The following KCNIP3 variants were observed in gnomAD, a reference collection of about 807,000 sequenced individuals.
KCNIP3 encodes the protein potassium voltage-gated channel interacting protein 3.
Under a neutral mutation model 35.0 loss-of-function variants are expected in KCNIP3, and 28 were observed. That is an observed-to-expected ratio of 0.80 (90% CI 0.59 to 1.10). The LOEUF is 1.10. Ranked by LOEUF, KCNIP3 falls within the 50% of genes least tolerant of loss-of-function variation. KCNIP3 has a pLI of 0.00. For missense variants in KCNIP3, 295 were observed against 338.4 expected, an observed-to-expected ratio of 0.87 and a Z score of 1.01; for synonymous variants, 134 against 133.8, an observed-to-expected ratio of 1.00 and a Z score of -0.01.
intron 2 of KCNIP3, among the ~76,000 whole-genome samples, chr2:95,354,262 G>A (rs1191664507): frequency 6.6e-6 from 1 of 152,238 alleles, no homozygotes; most frequent in African/African-American, 2.4e-5. Flanking sequence ...AGCAGCAGGG[G>A]CGTGTGTCTC....
At chr2:95,337,516 T>C (rs1679088659) in intron 2 of KCNIP3, among the ~76,000 whole-genome samples, 1 of 152,236 alleles carries the variant, frequency 6.6e-6, no homozygotes, top group Non-Finnish European at 1.5e-5. Context: ...GGATATAAGA[T>C]GAATCCTTTC....
At chr2:95,352,201 C>T (rs186540623) in intron 2 of KCNIP3, among the ~76,000 whole-genome samples, 108 of 152,250 alleles carry the variant, frequency 7.1e-4, no homozygotes, top group African/African-American at 2.5e-3. Flanking sequence ...TTGCAGTTTG[C>T]CAAGATCACG....
At chr2:95,298,607 ATGGGCGG>A (rs1276761735) in intron 1 of KCNIP3, 1 of 152,224 alleles carries the variant, frequency 6.6e-6, no homozygotes, top group Non-Finnish European at 1.5e-5. Flanking sequence ...GCATCCAAGC[ATGGGCGG>A]GTGGCTGGCT....
chr2:95,372,027 G>T (rs184722250), intron 2 of KCNIP3, among the ~76,000 whole-genome samples: 37 of 151,984 alleles, frequency 2.4e-4, no homozygotes, highest in African/African-American at 8.7e-4. Flanking sequence ...CTGGTCTTGA[G>T]CGCCTGACCT....
rs1418011543 is a variant in KCNIP3 at position 95,381,583 on chromosome 2, C to T, written c.448-13C>T. On this transcript the variant is annotated splice_polypyrimidine_tract_variant and intron_variant, in intron 5 of 8. Transcript: ENST00000295225. ...GATTGGATGTCACGCCCCACACTCT[C>T]CTTTCCCCATAGGACTTTGTGGTTG... 2 of 1,602,770 alleles carry T rather than the reference C, an allele frequency of 1.2e-6. No homozygotes were observed. The highest frequency in any genetic ancestry group is 1.7e-6 in the Non-Finnish European group (2 of 1,169,696).
In KCNIP3 at chr2:95,310,305, T is replaced by TC. The variant is rs201122915; in HGVS notation, c.16-44dup. On this transcript the variant is annotated intron_variant, in intron 1 of 8. Coordinates refer to ENST00000295225, the MANE Select transcript of KCNIP3 (RefSeq NM_013434.5). ...AGGGCAGCTCGGGACCATCCAGGGG[T>TC]CCCCCCTCTGAGCAGGGGCTCAGGG... The TC allele has an allele frequency of 7.3e-4, 1,178 of 1,609,512 alleles. 17 individuals are homozygous for TC. In the African/African-American group the frequency reaches 0.014, roughly 19 times the overall value.
At chr2:95,348,759 C>T (rs1310516990) in intron 2 of KCNIP3, among the ~76,000 whole-genome samples, 1 of 152,146 alleles carries the variant, frequency 6.6e-6, no homozygotes, top group Non-Finnish European at 1.5e-5. Context: ...CACTCATACC[C>T]CTGGAGTTCT....
chr2:95,355,632 G>T (rs1195442914), intron 2 of KCNIP3, among the ~76,000 whole-genome samples: 1 of 152,118 alleles, frequency 6.6e-6, no homozygotes, highest in Non-Finnish European at 1.5e-5. Flanking sequence ...TGCTGAGAAC[G>T]ATGGTTTCCA....
chr2:95,325,015 G>A (rs1678701475), intron 2 of KCNIP3, among the ~76,000 whole-genome samples: 1 of 152,228 alleles, frequency 6.6e-6, no homozygotes, highest in African/African-American at 2.4e-5. Flanking sequence ...GCTGAGGCTG[G>A]GCTGGGAGGT....
chr2:95,360,743 CAG>C (rs368201007), intron 2 of KCNIP3, among the ~76,000 whole-genome samples: 3 of 150,492 alleles, frequency 2.0e-5, no homozygotes, highest in Admixed American at 6.6e-5. Flanking sequence ...GACAGACAGA[CAG>C]AGAGAGAGAG....
At chr2:95,345,930 C>T (rs1332989173) in intron 2 of KCNIP3, among the ~76,000 whole-genome samples, 1 of 152,256 alleles carries the variant, frequency 6.6e-6, no homozygotes, top group Non-Finnish European at 1.5e-5. Context: ...CTCTTCCCCG[C>T]CGCCCGAAGG....
intron 1 of KCNIP3, among the ~76,000 whole-genome samples, chr2:95,304,959 A>G (rs1466790114): frequency 6.6e-6 from 1 of 152,136 alleles, no homozygotes; most frequent in African/African-American, 2.4e-5. Context: ...CTTCAGGGAA[A>G]CTTGTGACCT....
chr2:95,336,591 A>G (rs1016394785), intron 2 of KCNIP3, among the ~76,000 whole-genome samples: 1 of 152,094 alleles, frequency 6.6e-6, no homozygotes. Flanking sequence ...ATGTCTAACA[A>G]TTTTTTATTG....
At chr2:95,310,744 A>G in intron 2 of KCNIP3, 1 of 570,450 alleles carries the variant, frequency 1.8e-6, no homozygotes, top group Non-Finnish European at 3.2e-6. Context: ...GAGCATGGGT[A>G]CAGAGAGCTG....
chr2:95,363,624 C>A (rs1443026574), intron 2 of KCNIP3, among the ~76,000 whole-genome samples: 1 of 151,992 alleles, frequency 6.6e-6, no homozygotes, highest in Non-Finnish European at 1.5e-5. Context: ...AAAAAAAAAT[C>A]CAACTGAATT....
At chr2:95,327,722 C>A (rs1678828594) in intron 2 of KCNIP3, among the ~76,000 whole-genome samples, 1 of 152,162 alleles carries the variant, frequency 6.6e-6, no homozygotes, top group African/African-American at 2.4e-5. Flanking sequence ...AGGGGAAGAG[C>A]TTGAGGCTGA....
intron 2 of KCNIP3, among the ~76,000 whole-genome samples, chr2:95,314,666 G>A (rs1260544356): frequency 6.6e-6 from 1 of 152,270 alleles, no homozygotes; most frequent in African/African-American, 2.4e-5. Context: ...GTTGGTCTGA[G>A]TGGTGTGAGG....
intron 1 of KCNIP3, among the ~76,000 whole-genome samples, chr2:95,302,862 T>C (rs1231498177): frequency 6.6e-6 from 1 of 152,212 alleles, no homozygotes; most frequent in East Asian, 1.9e-4. Flanking sequence ...CCAGGGGCCC[T>C]GGTGGCACAT....
intron 2 of KCNIP3, among the ~76,000 whole-genome samples, chr2:95,331,885 C>T (rs1402639597): frequency 6.6e-6 from 1 of 152,200 alleles, no homozygotes; most frequent in Non-Finnish European, 1.5e-5. Context: ...ACATGCAGGC[C>T]TGGGCAACTT....
Sources: gnomAD v4.1 joint callset for allele counts (sites outside exome capture counted in the v4.1 genomes callset) on GRCh38, gnomAD v4.1.1 for gene constraint, MANE v1.5 for transcripts, NCBI Gene and HGNC (gene_info 2026-07-23, HGNC 2026-07-21) for gene names.